ZFYVE16: variants seen among roughly 807,000 people sequenced by gnomAD.
The protein encoded by ZFYVE16 is zinc finger FYVE-type containing 16, also known as zinc finger FYVE domain-containing protein 16.
In ZFYVE16, 89 loss-of-function variants were observed where a neutral mutation model predicts 138.1. The observed-to-expected ratio is 0.64, with a 90% CI of 0.54 to 0.77. ZFYVE16 has a LOEUF of 0.77. ZFYVE16 is among the 30% of genes least tolerant of loss of function. ZFYVE16 has a pLI of 0.00. For missense variants in ZFYVE16, 1,793 were observed against 1,786.7 expected, an observed-to-expected ratio of 1.00 and a Z score of -0.06; for synonymous variants, 596 against 618.3, an observed-to-expected ratio of 0.96 and a Z score of 0.53.
intron 15 of ZFYVE16, among the ~76,000 whole-genome samples, chr5:80,468,282 G>T (rs1360452403): frequency 6.6e-6 from 1 of 152,164 alleles, no homozygotes; most frequent in Non-Finnish European, 1.5e-5. Context: ...CTACAGTTAT[G>T]TGTTGCTTAG....
At chr5:80,416,281 A>AG in intron 1 of ZFYVE16, among the ~76,000 whole-genome samples, 2 of 109,444 alleles carry the variant, frequency 1.8e-5, no homozygotes, top group African/African-American at 6.6e-5. Flanking sequence ...TTTGAGACAA[A>AG]GTCTCGCTCT....
At chr5:80,429,665 TAA>T (rs1306659861) in intron 2 of ZFYVE16, among the ~76,000 whole-genome samples, 1 of 152,058 alleles carries the variant, frequency 6.6e-6, no homozygotes, top group Non-Finnish European at 1.5e-5. Context: ...GCAAATTGGA[TAA>T]AGAGTCGAGA....
In ZFYVE16 at chr5:80,436,865, AG is replaced by A; in HGVS notation, c.181del (p.Glu61SerfsTer20). On this transcript the variant is annotated frameshift_variant, in exon 4 of 19. Coordinates refer to ENST00000505560, the MANE Select transcript of ZFYVE16 (RefSeq NM_001284236.3). LOFTEE classifies it high-confidence loss of function. ...QRTSLLPKDQECVNSCASSET... is the reference protein window; with the variant it reads ...QRTSLLPKDQXCVNSCASSET... ...GAACTTCATTGCTCCCAAAAGACCAAGAGTGCGTTAATAGTTGTGCCTCATC... is the reference window on the plus strand; with the variant it reads ...GAACTTCATTGCTCCCAAAAGACCAAAGTGCGTTAATAGTTGTGCCTCATC... The A allele has an allele frequency of 2.5e-6, 4 of 1,614,182 alleles. No homozygotes were observed. Among genetic ancestry groups the A allele is most frequent in the Non-Finnish European group, 3.4e-6 (4 of 1,180,030 alleles).
chr5:80,416,545 G>A (rs1481785875), intron 1 of ZFYVE16, among the ~76,000 whole-genome samples: 1 of 123,596 alleles, frequency 8.1e-6, no homozygotes. Context: ...GAGAGACACT[G>A]CGCCCAGCCG....
intron 2 of ZFYVE16, among the ~76,000 whole-genome samples, chr5:80,432,954 G>A (rs1411489314): frequency 6.6e-6 from 1 of 152,178 alleles, no homozygotes; most frequent in Non-Finnish European, 1.5e-5. Context: ...TGCTGGAGAG[G>A]ATGTGGAAAA....
Position 80,476,874 on chromosome 5 carries a change from A to G in ZFYVE16, c.4462-345A>G, listed in dbSNP as rs1314022109. ...ATATTATTGCAACAACAAATTTGAA[A>G]TATTTCAAGTAGATTTTTTTAATAC... On this transcript the variant is annotated intron_variant, in intron 18 of 18. Coordinates refer to ENST00000505560, the MANE Select transcript of ZFYVE16 (RefSeq NM_001284236.3). Among the ~76,000 whole-genome samples the G allele has an allele frequency of 2.0e-5, 3 of 152,210 alleles. No individual in the cohort carries two copies. The East Asian group carries it at 5.8e-4, about 29-fold the overall frequency.
At chr5:80,439,247 T>C (rs907617482) in intron 4 of ZFYVE16, among the ~76,000 whole-genome samples, 1 of 152,346 alleles carries the variant, frequency 6.6e-6, no homozygotes, top group East Asian at 1.9e-4. Context: ...GAAACAATTA[T>C]TTAGTTACTA....
intron 18 of ZFYVE16, among the ~76,000 whole-genome samples, chr5:80,476,469 T>C (rs1203616244): frequency 6.6e-6 from 1 of 152,210 alleles, no homozygotes; most frequent in African/African-American, 2.4e-5. Flanking sequence ...GCCCCAGTAT[T>C]ATTTTAATTT....
chr5:80,437,679 C>T lies in ZFYVE16; in HGVS notation c.994C>T (p.Gln332Ter). Residue 332 changes from glutamine (Q) to a stop codon, truncating the protein, a stop_gained, in exon 4 of 19, where the codon CAG becomes TAG. Transcript: ENST00000505560. LOFTEE classifies it high-confidence loss of function. ...ENFKLPDFSF[Q>*]EDKTVIKQSA... ...TTTCAAATTACCTGACTTTTCCTTT[C>T]AGGAAGATAAGACTGTTATAAAACA... 6.2e-7 allele frequency: 1 copy of T among 1,612,402 alleles called. No homozygotes were observed. Among genetic ancestry groups the T allele is most frequent in the Non-Finnish European group, 8.5e-7 (1 of 1,179,472 alleles).
chr5:80,467,277 T>C (rs1357364025), intron 15 of ZFYVE16, among the ~76,000 whole-genome samples: 1 of 152,216 alleles, frequency 6.6e-6, no homozygotes, highest in African/African-American at 2.4e-5. Flanking sequence ...AGGGGTCACA[T>C]GCAAGTTGCA....
intron 15 of ZFYVE16, among the ~76,000 whole-genome samples, chr5:80,466,517 A>AC (rs1316689889): frequency 6.6e-6 from 1 of 152,166 alleles, no homozygotes; most frequent in African/African-American, 2.4e-5. Flanking sequence ...GATTCTTTAG[A>AC]CATAGTTCCT....
chr5:80,434,218 G>A lies in ZFYVE16; in HGVS notation c.70+1G>A. The A allele has an allele frequency of 6.2e-7, 1 of 1,612,782 alleles. No homozygotes were observed. Among genetic ancestry groups the A allele is most frequent in the Non-Finnish European group, 8.5e-7 (1 of 1,179,248 alleles). On this transcript the variant is annotated splice_donor_variant, in intron 3 of 18. Transcript: ENST00000505560. LOFTEE classifies it high-confidence loss of function. Reference sequence around the variant, plus strand: ...CTTGATGATTTTGAACAGAACCCAGGTTTGTTGATTTTCCATTTTTGCCGC... The same window carrying A: ...CTTGATGATTTTGAACAGAACCCAGATTTGTTGATTTTCCATTTTTGCCGC...
At chr5:80,477,152 T>C in intron 18 of ZFYVE16, 67 bp from the exon 19 acceptor site, 1 of 1,302,114 alleles carries the variant, frequency 7.7e-7, no homozygotes, top group Non-Finnish European at 1.0e-6. Context: ...TTTCACTTAT[T>C]TTATATTCAC....
rs1750122852 is a variant in ZFYVE16, at chr5:80,437,641, CA to C, written c.958del (p.Arg320GlufsTer19). ...NEDLCLNDSN[S>X]RDENFKLPDF... ...GATTTATGCTTAAATGATTCAAATT[CA>C]AGAGATGAAAATTTCAAATTACCTG... On this transcript the variant is annotated frameshift_variant, in exon 4 of 19. Coordinates refer to ENST00000505560, the MANE Select transcript of ZFYVE16 (RefSeq NM_001284236.3). LOFTEE classifies it high-confidence loss of function. 6 of 1,611,832 alleles carry C rather than the reference CA, an allele frequency of 3.7e-6. No homozygotes were observed. The highest frequency in any genetic ancestry group is 5.1e-6 in the Non-Finnish European group (6 of 1,179,264).
At chr5:80,459,763 T>C (rs1752914641) in intron 15 of ZFYVE16, among the ~76,000 whole-genome samples, 1 of 152,194 alleles carries the variant, frequency 6.6e-6, no homozygotes, top group Admixed American at 6.5e-5. Flanking sequence ...CAACATATTG[T>C]TTATGCTTAT....
At chr5:80,426,833 C>G (rs560290798) in intron 1 of ZFYVE16, among the ~76,000 whole-genome samples, 2 of 152,222 alleles carry the variant, frequency 1.3e-5, no homozygotes, top group South Asian at 4.1e-4. Context: ...AATGGTATAT[C>G]TGATTCTAGG....
chr5:80,440,593 T>A, intron 5 of ZFYVE16: 2 of 984,984 alleles, frequency 2.0e-6, no homozygotes, highest in Non-Finnish European at 2.4e-6. Flanking sequence ...TTCCCATTAT[T>A]TCTTTGGCTC....
At chr5:80,440,870 A>G (rs1750635474) in intron 5 of ZFYVE16, 1 of 985,164 alleles carries the variant, frequency 1.0e-6, no homozygotes, top group African/African-American at 1.7e-5. Flanking sequence ...TGAATACCTG[A>G]TAATAATTTG....
chr5:80,428,014 G>A (rs990985278), intron 2 of ZFYVE16, among the ~76,000 whole-genome samples: 1 of 146,738 alleles, frequency 6.8e-6, no homozygotes, highest in African/African-American at 2.5e-5. Context: ...TTCCAAGATG[G>A]CCGAATAGGA....
Sources: allele counts gnomAD v4.1 joint callset (sites outside exome capture counted in the v4.1 genomes callset), GRCh38; gene constraint gnomAD v4.1.1; transcripts MANE v1.5; gene names NCBI Gene and HGNC (gene_info 2026-07-23, HGNC 2026-07-21).